The following DAB1 variants were observed in gnomAD, a reference collection of about 807,000 sequenced individuals.
The protein encoded by DAB1 is DAB adaptor protein 1, also known as disabled homolog 1.
DAB1 carries 15 observed loss-of-function variants against 64.6 expected under a neutral mutation model. That is an observed-to-expected ratio of 0.23 (90% CI 0.16 to 0.36). The LOEUF (loss-of-function observed/expected upper bound fraction) is 0.36, where lower values mean the gene tolerates loss of function less well. Among genes scored for constraint, DAB1 ranks in the 10% least tolerant of loss-of-function variants. DAB1 has a pLI of 1.00. For missense variants in DAB1, 596 were observed against 706.7 expected (o/e 0.84, Z 1.78); for synonymous variants, 235 against 251.9 (o/e 0.93, Z 0.64).
At position 57,023,900 on chromosome 1, in the gene DAB1, T is replaced by G. The variant is rs61767017; in HGVS notation, c.787-261A>C. On this transcript the variant is annotated intron_variant, in intron 10 of 14. Coordinates refer to ENST00000371236, the MANE Select transcript of DAB1 (RefSeq NM_001365792.1). ...AAATTTTTAGCACCGTGCATAGGCA[T>G]GTAGTAGGTGCTTGGCAAATAATGG... 4.6e-3 allele frequency among the ~76,000 whole-genome samples: 708 copies of G among 152,336 alleles called. 3 individuals carry two copies. Among genetic ancestry groups the G allele is most frequent in the Non-Finnish European group, 7.0e-3 (475 of 68,032 alleles).
At chr1:57,406,926 G>A (rs569190470) in intron 1 of DAB1, among the ~76,000 whole-genome samples, 6,780 of 152,240 alleles carry the variant, frequency 0.045, 226 homozygotes, top group Middle Eastern at 0.072. Context: ...AATGCATGCA[G>A]AATTCAATTC....
At chr1:57,017,022 T>G (rs1306970283) in intron 11 of DAB1, among the ~76,000 whole-genome samples, 2 of 152,172 alleles carry the variant, frequency 1.3e-5, no homozygotes, top group Non-Finnish European at 2.9e-5. Context: ...GGTTCCTTCC[T>G]TTGTGCCACA....
At chr1:57,699,857 G>C (rs965812937) in intron 6 of DAB1, among the ~76,000 whole-genome samples, 4 of 152,096 alleles carry the variant, frequency 2.6e-5, no homozygotes, top group African/African-American at 4.8e-5. Flanking sequence ...AGGTTGCAGT[G>C]AGCTGAGATC....
chr1:58,481,326 A>G (rs1645479019), intron 3 of DAB1: 1 of 382,056 alleles, frequency 2.6e-6, no homozygotes, highest in African/African-American at 2.1e-5. Flanking sequence ...ATAAAAGAGA[A>G]CCACTGAAAA....
chr1:57,220,469 T>C (rs7556560), intron 2 of DAB1, among the ~76,000 whole-genome samples: 1 of 152,188 alleles, frequency 6.6e-6, no homozygotes, highest in African/African-American at 2.4e-5. Context: ...CTATCCATCA[T>C]AACCTGTGGT....
At chr1:57,532,126 A>C (rs901125150) in intron 7 of DAB1, among the ~76,000 whole-genome samples, 1 of 152,214 alleles carries the variant, frequency 6.6e-6, no homozygotes, top group African/African-American at 2.4e-5. Context: ...CTAGGTTTAA[A>C]CTGAATTCAG....
At chr1:58,322,506 T>C (rs369221122) in intron 4 of DAB1, among the ~76,000 whole-genome samples, 3 of 152,172 alleles carry the variant, frequency 2.0e-5, no homozygotes, top group East Asian at 1.9e-4. Flanking sequence ...TCATCACTGG[T>C]CATCAGAGAA....
chr1:58,265,631 T>A (rs1661142209), intron 4 of DAB1, among the ~76,000 whole-genome samples: 2 of 152,152 alleles, frequency 1.3e-5, no homozygotes, highest in East Asian at 1.9e-4. Flanking sequence ...GCAAAATCTG[T>A]GAATTTTCTA....
intron 1 of DAB1, among the ~76,000 whole-genome samples, chr1:57,386,278 T>G (rs1395747179): frequency 6.8e-6 from 1 of 147,594 alleles, no homozygotes; most frequent in Non-Finnish European, 1.5e-5. Flanking sequence ...TCAAGGAACC[T>G]CCACACTAGT....
intron 7 of DAB1, among the ~76,000 whole-genome samples, chr1:57,629,846 T>G (rs924399065): frequency 2.0e-5 from 3 of 151,944 alleles, no homozygotes; most frequent in South Asian, 2.1e-4. Flanking sequence ...GTTGAGGGTT[T>G]TTTTTTTCCC....
intron 7 of DAB1, among the ~76,000 whole-genome samples, chr1:57,622,394 G>A (rs1645870688): frequency 2.0e-5 from 3 of 152,210 alleles, no homozygotes; most frequent in Admixed American, 2.0e-4. Context: ...AATCCAGGCT[G>A]CACTATTAGC....
intron 5 of DAB1, among the ~76,000 whole-genome samples, chr1:57,899,783 T>A (rs928914476): frequency 1.3e-5 from 2 of 152,080 alleles, no homozygotes; most frequent in African/African-American, 4.8e-5. Flanking sequence ...TATGTCAAGA[T>A]CCGGCTCTCG....
intron 14 of DAB1, among the ~76,000 whole-genome samples, chr1:57,008,651 G>A (rs1025860953): frequency 6.6e-6 from 1 of 152,136 alleles, no homozygotes; most frequent in African/African-American, 2.4e-5. Context: ...AGGAAGTGGT[G>A]GAGCCAGATG....
intron 3 of DAB1, among the ~76,000 whole-genome samples, chr1:58,352,453 C>A (rs151183425): frequency 2.0e-5 from 3 of 152,074 alleles, no homozygotes; most frequent in Non-Finnish European, 4.4e-5. Context: ...CATAGCCATC[C>A]GGCATGTATC....
At chr1:58,499,313 A>AC (rs1491459229) in intron 3 of DAB1, among the ~76,000 whole-genome samples, 3 of 114,850 alleles carry the variant, frequency 2.6e-5, no homozygotes, top group Non-Finnish European at 5.4e-5. Flanking sequence ...CCACATCTCT[A>AC]CAAAAAAAAA....
chr1:57,382,936 A>G (rs1362748997), intron 1 of DAB1, among the ~76,000 whole-genome samples: 1 of 152,204 alleles, frequency 6.6e-6, no homozygotes, highest in Non-Finnish European at 1.5e-5. Flanking sequence ...CAGACAAACA[A>G]AAAAATCCCT....
chr1:58,307,120 C>T (rs142483285), intron 4 of DAB1, among the ~76,000 whole-genome samples: 39 of 152,280 alleles, frequency 2.6e-4, no homozygotes, highest in African/African-American at 7.0e-4. Flanking sequence ...CAAACAATAA[C>T]GTTTTATTGA....
chr1:57,413,301 T>G (rs533733019), intron 1 of DAB1, among the ~76,000 whole-genome samples: 1 of 152,206 alleles, frequency 6.6e-6, no homozygotes, highest in South Asian at 2.1e-4. Context: ...TAACAAAACA[T>G]CTACTCTGCA....
At chr1:57,392,002 A>T (rs1266833090) in intron 1 of DAB1, among the ~76,000 whole-genome samples, 1 of 152,226 alleles carries the variant, frequency 6.6e-6, no homozygotes, top group Non-Finnish European at 1.5e-5. Flanking sequence ...TTAATAAACC[A>T]GATCAGACTC....
Sources: gnomAD v4.1 joint callset for allele counts (sites outside exome capture counted in the v4.1 genomes callset) on GRCh38, gnomAD v4.1.1 for gene constraint, MANE v1.5 for transcripts, NCBI Gene and HGNC (gene_info 2026-07-23, HGNC 2026-07-21) for gene names.